The following PHF8 variants were observed in gnomAD, a reference collection of about 807,000 sequenced individuals.
PHF8 encodes histone lysine demethylase PHF8.
In PHF8, 9 loss-of-function variants were observed where a neutral mutation model predicts 74.4. The ratio of observed to expected loss-of-function variants is 0.12; its 90% CI spans 0.07 to 0.21. PHF8 has a LOEUF of 0.21. Among genes scored for constraint, PHF8 ranks in the 10% least tolerant of loss-of-function variants. The pLI, the probability that PHF8 is intolerant of heterozygous loss-of-function variation, is 1.00. For missense variants in PHF8, 478 were observed against 816.6 expected, an observed-to-expected ratio of 0.59 and a Z score of 5.05; for synonymous variants, 311 against 316.6, an observed-to-expected ratio of 0.98 and a Z score of 0.19.
At chrX:53,975,657 G>C (rs2065362038) in intron 18 of PHF8, among the ~76,000 whole-genome samples, 1 of 112,137 alleles carries the variant, frequency 8.9e-6, no homozygotes, top group African/African-American at 3.2e-5. Context: ...TCACTCATAT[G>C]TGAGAGCTAA....
At chrX:54,046,355 C>T (rs937218586), upstream of PHF8, among the ~76,000 whole-genome samples, 6 of 109,558 alleles carry the variant, frequency 5.5e-5, no homozygotes, top group Admixed American at 9.8e-5. Context: ...GAGGCCGAGG[C>T]GGGCGGATCA....
rs113135030 is a variant in PHF8 at position 53,987,596 on chromosome X, C to T, written c.1909+170G>A. Among the ~76,000 whole-genome samples, 927 of 111,909 alleles carry T rather than the reference C, an allele frequency of 8.3e-3. 14 individuals are homozygous for T. Among genetic ancestry groups the T allele is most frequent in the African/African-American group, 0.029 (884 of 30,807 alleles). On this transcript the variant is annotated intron_variant, in intron 15 of 21. Transcript: ENST00000338154. The stretch of plus-strand genomic sequence containing the variant: ...TGGTGGCACATGCCTGTAATCCCAG[C>T]TACTCAGGAGGCTGAGGCAGGAGAA...
rs944317860 is a variant in PHF8 at position 54,001,002 on chromosome X, C to T, written c.1142-1041G>A. The stretch of plus-strand genomic sequence containing the variant: ...AAAGTGAATCTAAGAAGGTCACGTA[C>T]TATAATGATTCCATTTATACAATAT... On this transcript the variant is annotated intron_variant, in intron 10 of 21. Coordinates refer to ENST00000338154, the MANE Select transcript of PHF8 (RefSeq NM_015107.3). 4.4e-5 allele frequency among the ~76,000 whole-genome samples: 5 copies of T among 112,913 alleles called. No homozygotes were observed. The Admixed American group carries it at 4.7e-4, about 11-fold the overall frequency.
At chrX:54,019,363 G>C (rs1396897156) in intron 4 of PHF8, among the ~76,000 whole-genome samples, 2 of 109,653 alleles carry the variant, frequency 1.8e-5, no homozygotes. Context: ...CCCAGGAAGC[G>C]CAGGTGGGAA....
intron 2 of PHF8, among the ~76,000 whole-genome samples, chrX:54,031,005 G>A (rs1228581081): frequency 8.9e-6 from 1 of 112,010 alleles, no homozygotes; most frequent in Non-Finnish European, 1.9e-5. Flanking sequence ...CATCATCATC[G>A]TTAATATTAT....
At chrX:54,008,482 A>G (rs1279542365) in intron 8 of PHF8, among the ~76,000 whole-genome samples, 5 of 107,801 alleles carry the variant, frequency 4.6e-5, no homozygotes, top group African/African-American at 1.7e-4. Context: ...TGAGGTTGGG[A>G]GTTCGAGACC....
chrX:54,041,388 TAAAAAAAAAAAAAAAAGA>T (rs2066552122), intron 2 of PHF8, among the ~76,000 whole-genome samples: 1 of 43,524 alleles, frequency 2.3e-5, no homozygotes, highest in Non-Finnish European at 4.7e-5. Context: ...TTGTCTCAAA[TAAAAAAAAAAAAAAAAGA>T]AAAAAGAAAA....
intron 2 of PHF8, among the ~76,000 whole-genome samples, chrX:54,034,559 A>C (rs1213443670): frequency 9.0e-6 from 1 of 111,636 alleles, no homozygotes; most frequent in Non-Finnish European, 1.9e-5. Context: ...ACAGTAGCTC[A>C]TGCCTGTAAT....
rs1005522484 is a variant in PHF8, at chrX:54,013,306, T to C, written c.783+1071A>G. 3.0e-4 allele frequency among the ~76,000 whole-genome samples: 33 copies of C among 111,698 alleles called. 1 individual carries two copies. Among genetic ancestry groups the C allele is most frequent in the Admixed American group, 4.8e-4 (5 of 10,468 alleles). ...GAAATCCTGACTTTAAAAAGACTTC[T>C]CATACAGGTTTTATCTTGACTGTGG... On this transcript the variant is annotated intron_variant, in intron 7 of 21. Transcript: ENST00000338154.
intron 8 of PHF8, among the ~76,000 whole-genome samples, chrX:54,010,886 T>C (rs2065973032): frequency 9.0e-6 from 1 of 111,390 alleles, no homozygotes; most frequent in African/African-American, 3.3e-5. Flanking sequence ...CCAGATGACA[T>C]CAACCCAGGA....
At chrX:54,033,755 T>C (rs1167420955) in intron 2 of PHF8, among the ~76,000 whole-genome samples, 1 of 108,476 alleles carries the variant, frequency 9.2e-6, no homozygotes, top group Non-Finnish European at 1.9e-5. Flanking sequence ...AATAAATACA[T>C]AGAAAGTGTC....
At chrX:54,012,107 G>A (rs2065992643) in intron 7 of PHF8, among the ~76,000 whole-genome samples, 1 of 110,803 alleles carries the variant, frequency 9.0e-6, no homozygotes, top group African/African-American at 3.3e-5. Flanking sequence ...TTGTTTTTAA[G>A]ACAAAGTTTT....
chrX:54,027,432 C>T (rs138495711), intron 2 of PHF8, among the ~76,000 whole-genome samples: 1,366 of 111,334 alleles, frequency 0.012, 16 homozygotes, highest in African/African-American at 0.042. Context: ...CCCTCCCACC[C>T]TTAGCTGCCT....
intron 10 of PHF8, among the ~76,000 whole-genome samples, chrX:54,001,119 A>G (rs1159222029): frequency 2.7e-5 from 3 of 111,610 alleles, no homozygotes; most frequent in Non-Finnish European, 3.8e-5. Context: ...CGAGGTCAAG[A>G]GATTGAGACC....
At chrX:54,019,195 C>T (rs2066123199) in intron 4 of PHF8, among the ~76,000 whole-genome samples, 1 of 111,465 alleles carries the variant, frequency 9.0e-6, no homozygotes, top group Non-Finnish European at 1.9e-5. Flanking sequence ...CAATAGCTCA[C>T]AACTGTAATC....
chrX:54,041,213 C>CT (rs1246286727), intron 2 of PHF8, among the ~76,000 whole-genome samples: 2 of 108,479 alleles, frequency 1.8e-5, no homozygotes, highest in African/African-American at 6.7e-5. Flanking sequence ...AACTCCATCT[C>CT]TATCAAAAAA....
chrX:54,015,508 G>A (rs1434218171), intron 6 of PHF8, among the ~76,000 whole-genome samples: 1 of 103,676 alleles, frequency 9.6e-6, no homozygotes, highest in Non-Finnish European at 2.0e-5. Flanking sequence ...CCAGGGAGGC[G>A]GAGCTTGCAG....
At chrX:54,011,781 T>C (rs184112743) in intron 7 of PHF8, among the ~76,000 whole-genome samples, 2 of 108,902 alleles carry the variant, frequency 1.8e-5, no homozygotes, top group South Asian at 4.0e-4. Flanking sequence ...TGGAAGATTA[T>C]ATGTTATGTG....
intron 18 of PHF8, among the ~76,000 whole-genome samples, chrX:53,975,428 C>T (rs892017292): frequency 2.7e-5 from 3 of 112,448 alleles, no homozygotes; most frequent in Non-Finnish European, 5.6e-5. Context: ...CCCATGTTCA[C>T]TGCAATACTA....
Sources: allele counts gnomAD v4.1 joint callset (sites outside exome capture counted in the v4.1 genomes callset), GRCh38; gene constraint gnomAD v4.1.1; transcripts MANE v1.5; gene names NCBI Gene and HGNC (gene_info 2026-07-23, HGNC 2026-07-21).